The following WDFY3 variants were observed in gnomAD, a reference collection of about 807,000 sequenced individuals.
WDFY3 encodes the protein WD repeat and FYVE domain-containing protein 3.
Under a neutral mutation model 409.6 loss-of-function variants are expected in WDFY3, and 66 were observed. The ratio of observed to expected loss-of-function variants is 0.16; its 90% CI spans 0.13 to 0.20. WDFY3 has a LOEUF of 0.20. WDFY3 is among the 10% of genes least tolerant of loss of function. WDFY3 has a pLI of 1.00. For missense variants in WDFY3, 3,031 were observed against 4,298.1 expected (o/e 0.71, Z 8.24); for synonymous variants, 1,521 against 1,537.1 (o/e 0.99, Z 0.25).
At chr4:84,768,554 C>T (rs1744088451) in intron 30 of WDFY3, among the ~76,000 whole-genome samples, 1 of 152,140 alleles carries the variant, frequency 6.6e-6, no homozygotes, top group South Asian at 2.1e-4. Context: ...TGGATGACAG[C>T]ACATCTGCTT....
chr4:84,808,293 C>A, intron 15 of WDFY3, 41 bp downstream of exon 15: 2 of 1,495,020 alleles, frequency 1.3e-6, no homozygotes, highest in South Asian at 1.2e-5. Context: ...AAAAAGGAAC[C>A]CCACACAAAT....
At chr4:84,754,988 T>C (rs1470139266) in intron 34 of WDFY3, among the ~76,000 whole-genome samples, 2 of 152,186 alleles carry the variant, frequency 1.3e-5, no homozygotes, top group Admixed American at 6.5e-5. Flanking sequence ...ATTGTCGGCA[T>C]TTTAAACACC....
At chr4:84,796,495 G>A in intron 19 of WDFY3, 26 bp downstream of exon 19, 2 of 1,484,278 alleles carry the variant, frequency 1.3e-6, no homozygotes, top group Non-Finnish European at 1.8e-6. Flanking sequence ...AAACCATAAA[G>A]GTTGGCTTCC....
chr4:84,712,373 T>TAAAAAAAAA (rs998951453), intron 51 of WDFY3, among the ~76,000 whole-genome samples: 11 of 75,032 alleles, frequency 1.5e-4, no homozygotes, highest in East Asian at 3.6e-4. Flanking sequence ...AGAAAAAAAT[T>TAAAAAAAAA]AAAAAAAAAA....
chr4:84,920,881 A>C (rs567289459), intron 2 of WDFY3, among the ~76,000 whole-genome samples: 6 of 152,186 alleles, frequency 3.9e-5, no homozygotes, highest in African/African-American at 1.4e-4. Flanking sequence ...GGACCTAATC[A>C]CTTAGCATTT....
chr4:84,701,151 T>G (rs769004483), intron 56 of WDFY3, among the ~76,000 whole-genome samples: 7 of 152,242 alleles, frequency 4.6e-5, no homozygotes, highest in Non-Finnish European at 8.8e-5. Flanking sequence ...TCAAAGGCTA[T>G]AGCAGGTATT....
intron 32 of WDFY3, among the ~76,000 whole-genome samples, chr4:84,765,447 G>A (rs958607176): frequency 9.9e-5 from 15 of 152,194 alleles, no homozygotes; most frequent in African/African-American, 3.6e-4. Context: ...TTATTGCCTG[G>A]CAAGTGTTTA....
At chr4:84,836,831 A>T in intron 7 of WDFY3, 98 bp downstream of exon 7, 1 of 1,079,564 alleles carries the variant, frequency 9.3e-7, no homozygotes, top group Non-Finnish European at 1.2e-6. Context: ...ATAAAATGAA[A>T]TATGAGTTAA....
In WDFY3 at chr4:84,774,805, AG is replaced by A. The variant is rs1222412644; in HGVS notation, c.4754+14del. ...TTAGTTAATAAAAAGACAAAGACAA[AG>A]AAGTTTTTCCTACCTGAGCAGATCA... is the stretch of plus-strand genomic sequence containing the variant. On this transcript the variant is annotated intron_variant, in intron 29 of 67. Coordinates refer to ENST00000295888, the MANE Select transcript of WDFY3 (RefSeq NM_014991.6). 1 of 1,580,020 alleles carries A rather than the reference AG, an allele frequency of 6.3e-7. No homozygotes were observed. The highest frequency in any genetic ancestry group is 1.2e-5 in the South Asian group (1 of 85,242).
chr4:84,772,988 A>G (rs1744929140), intron 29 of WDFY3, 59 bp from the exon 30 acceptor site: 1 of 1,308,284 alleles, frequency 7.6e-7, no homozygotes, highest in Admixed American at 2.7e-5. Context: ...AAAACAAACA[A>G]CAAAGTACAA....
chr4:84,792,895 T>C (rs756524071), intron 21 of WDFY3, among the ~76,000 whole-genome samples: 1 of 152,188 alleles, frequency 6.6e-6, no homozygotes, highest in Non-Finnish European at 1.5e-5. Flanking sequence ...TAATACATTC[T>C]AGGTACTGTG....
chr4:84,736,126 A>G (rs1198760425), intron 42 of WDFY3, 44 bp downstream of exon 42: 1 of 1,573,340 alleles, frequency 6.4e-7, no homozygotes, highest in Non-Finnish European at 8.6e-7. Flanking sequence ...AGTATATTAT[A>G]CAAAATACTA....
intron 10 of WDFY3, among the ~76,000 whole-genome samples, chr4:84,822,622 G>A (rs1754241425): frequency 6.6e-6 from 1 of 152,112 alleles, no homozygotes; most frequent in Non-Finnish European, 1.5e-5. Context: ...TGAGGCAGGA[G>A]GATTGCTTGA....
At chr4:84,852,371 T>C (rs955442943) in intron 4 of WDFY3, among the ~76,000 whole-genome samples, 11 of 152,116 alleles carry the variant, frequency 7.2e-5, no homozygotes, top group Non-Finnish European at 1.5e-4. Flanking sequence ...ACCAAAACCA[T>C]GAAAAGCAAA....
chr4:84,717,001 A>G lies in WDFY3; in HGVS notation c.7770T>C (p.Ile2590=), dbSNP rs201650689. The G allele has an allele frequency of 1.2e-6, 2 of 1,605,134 alleles. No homozygotes were observed. Among genetic ancestry groups the G allele is most frequent in the Non-Finnish European group, 8.5e-7 (1 of 1,175,834 alleles). Residue 2590 remains isoleucine, a synonymous_variant, in exon 49 of 68, where the codon ATT becomes ATC. Transcript: ENST00000295888. The stretch of plus-strand genomic sequence containing the variant: ...GGCCTTGCCTGGCTCCTCTAGGAAT[A>G]ATAGGCTCATGCATACTACAGGCAG... ...ETLPPNMHEP[I]IPRGARQGPS...
intron 12 of WDFY3, among the ~76,000 whole-genome samples, chr4:84,819,450 A>G (rs935652447): frequency 1.6e-4 from 25 of 152,014 alleles, no homozygotes; most frequent in Non-Finnish European, 2.8e-4. Context: ...ACTAATCTGA[A>G]CTCATTATTC....
intron 3 of WDFY3, among the ~76,000 whole-genome samples, chr4:84,872,596 T>C (rs574674785): frequency 1.1e-4 from 16 of 151,924 alleles, no homozygotes; most frequent in Non-Finnish European, 2.1e-4. Context: ...TAGAACACAG[T>C]TACAAACATG....
intron 3 of WDFY3, among the ~76,000 whole-genome samples, chr4:84,863,321 A>T (rs888122605): frequency 4.6e-5 from 7 of 152,306 alleles, no homozygotes; most frequent in African/African-American, 1.4e-4. Context: ...AGGTGGCTAT[A>T]CCAATTGATA....
intron 54 of WDFY3, 80 bp downstream of exon 54, chr4:84,705,314 T>A (rs1731747247): frequency 9.7e-7 from 1 of 1,031,082 alleles, no homozygotes; most frequent in Non-Finnish European, 1.5e-6. Flanking sequence ...TGAAGGAGGA[T>A]GTAGGAATGT....
Sources: gnomAD v4.1 joint callset for allele counts (sites outside exome capture counted in the v4.1 genomes callset) on GRCh38, gnomAD v4.1.1 for gene constraint, MANE v1.5 for transcripts, NCBI Gene and HGNC (gene_info 2026-07-23, HGNC 2026-07-21) for gene names.